FDXR: variants seen among roughly 807,000 people sequenced by gnomAD.
The protein encoded by FDXR is ferredoxin reductase.
FDXR carries 38 observed loss-of-function variants against 58.3 expected under a neutral mutation model. That is an observed-to-expected ratio of 0.65 (90% confidence interval 0.50 to 0.85). FDXR has a LOEUF of 0.85. Among genes scored for constraint, FDXR ranks in the 40% least tolerant of loss-of-function variants. The pLI, the probability that FDXR is intolerant of heterozygous loss-of-function variation, is 0.00. For missense variants in FDXR, 624 were observed against 671.0 expected (o/e 0.93, Z 0.77); for synonymous variants, 275 against 273.8 (o/e 1.00, Z -0.04).
intron 2 of FDXR, chr17:74,868,548 T>C: frequency 6.5e-7 from 1 of 1,532,400 alleles, no homozygotes; most frequent in South Asian, 1.2e-5. Flanking sequence ...AACCAACCTC[T>C]CTGTCCTTAT....
chr17:74,864,619 C>A (rs1383148610), intron 7 of FDXR, 55 bp from the exon 8 acceptor site: 1 of 1,528,670 alleles, frequency 6.5e-7, no homozygotes, highest in Non-Finnish European at 9.0e-7. Flanking sequence ...ACACAGTCCA[C>A]CTGAGCCCAC....
At chr17:74,871,861 G>C (rs2038384657) in intron 2 of FDXR, among the ~76,000 whole-genome samples, 175 bp downstream of exon 2, 1 of 152,324 alleles carries the variant, frequency 6.6e-6, no homozygotes, top group East Asian at 1.9e-4. Flanking sequence ...GAGGACGGGA[G>C]GGGAGGGGAG....
chr17:74,862,633 C>T lies in FDXR; in HGVS notation c.*184G>A. On this transcript the variant is annotated 3_prime_UTR_variant, in exon 12 of 12. Coordinates refer to ENST00000293195, the MANE Select transcript of FDXR (RefSeq NM_024417.5). ...CTAAGGTTACCTCAGTTGCTGAAAG[C>T]TAAAACCTTGCGCGCAAGGGCGACC... The T allele has an allele frequency of 2.5e-6, 2 of 788,240 alleles. No individual in the cohort carries two copies. The highest frequency in any genetic ancestry group is 3.9e-6 in the Non-Finnish European group (2 of 515,026). The allele number at this position is 788,240 out of a possible 1,614,324, so 48.8% of individuals were successfully genotyped here. A position where few individuals can be genotyped will look rare whatever the true frequency, so the allele number is the denominator to read the frequency against.
chr17:74,866,315 G>A (rs772598174), intron 4 of FDXR, 71 bp from the exon 5 acceptor site: 30 of 1,567,076 alleles, frequency 1.9e-5, no homozygotes, highest in Admixed American at 8.7e-5. Flanking sequence ...CAGCCCCCCA[G>A]GCTCCCAGCG....
chr17:74,865,533 G>A (rs2038145083), intron 6 of FDXR, among the ~76,000 whole-genome samples, 186 bp downstream of exon 6: 1 of 152,172 alleles, frequency 6.6e-6, no homozygotes. Flanking sequence ...TGCAGAAAGT[G>A]AAGGGAAAAT....
intron 10 of FDXR, 114 bp from the exon 11 acceptor site, chr17:74,863,360 G>T: frequency 9.7e-7 from 1 of 1,031,298 alleles, no homozygotes. Context: ...ACGCCTCTTG[G>T]CAGACTGTCG....
At position 74,872,909 on chromosome 17, in the gene FDXR, C is replaced by T; in HGVS notation, c.36G>A (p.Ser12=). The T allele has an allele frequency of 6.4e-7, 1 of 1,554,804 alleles. No individual in the cohort carries two copies. Among genetic ancestry groups the T allele is most frequent in the South Asian group, 1.2e-5 (1 of 84,470 alleles). Residue 12 remains serine, a synonymous_variant, in exon 1 of 12, where the codon TCG becomes TCA. Coordinates refer to ENST00000293195, the MANE Select transcript of FDXR (RefSeq NM_024417.5). ...GAGGCAGCCGGGTCCGAGGCCACGC[C>T]GACCAGCCCCACCAGCGCCAGCAGC... The part of the protein sequence containing the change: ...ASRCWRWWGW[S]AWPRTRLPPA...
intron 10 of FDXR, 146 bp from the exon 11 acceptor site, chr17:74,863,392 G>A: frequency 2.6e-6 from 2 of 763,264 alleles, no homozygotes; most frequent in Non-Finnish European, 4.2e-6. Context: ...TGTGGCCGCT[G>A]GTCCACTGCC....
Position 74,865,691 on chromosome 17 carries a change from A to G in FDXR, c.609+28T>C, listed in dbSNP as rs754174150. ...TCTCCTCAGGGTGACCCCACCTCCA[A>G]CCCCGCCAGCCCTGACCTACCACTC... On this transcript the variant is annotated intron_variant, in intron 6 of 11. Coordinates refer to ENST00000293195, the MANE Select transcript of FDXR (RefSeq NM_024417.5). 3.2e-6 allele frequency: 5 copies of G among 1,539,056 alleles called. No homozygotes were observed. The African/African-American group carries it at 6.8e-5, about 21-fold the overall frequency.
At chr17:74,868,668 G>A (rs2038275067) in intron 2 of FDXR, 6 of 1,534,772 alleles carry the variant, frequency 3.9e-6, no homozygotes, top group Non-Finnish European at 5.2e-6. Flanking sequence ...ATCTCTCGTG[G>A]CTGACCTCAT....
At chr17:74,871,976 G>T in intron 2 of FDXR, 60 bp downstream of exon 2, 1 of 1,351,388 alleles carries the variant, frequency 7.4e-7, no homozygotes, top group East Asian at 2.4e-5. Flanking sequence ...CAAAGCGGGT[G>T]AGGCTTGCCC....
chr17:74,862,702 C>T lies in FDXR; in HGVS notation c.*115G>A. On this transcript the variant is annotated 3_prime_UTR_variant, in exon 12 of 12. Coordinates refer to ENST00000293195, the MANE Select transcript of FDXR (RefSeq NM_024417.5). The stretch of plus-strand genomic sequence containing the variant: ...AGACGCTGGAAGAGCAGCCAAGCCT[C>T]CAAGCCAGGGCCGGCCGGGATCAGC... 1 of 1,400,532 alleles carries T rather than the reference C, an allele frequency of 7.1e-7. No individual in the cohort carries two copies. Among genetic ancestry groups the T allele is most frequent in the South Asian group, 1.4e-5 (1 of 69,900 alleles). 86.8% of individuals were successfully genotyped at this position (1,400,532 alleles called of 1,614,324 possible).
intron 2 of FDXR, among the ~76,000 whole-genome samples, chr17:74,869,744 G>C: frequency 6.6e-6 from 1 of 152,110 alleles, no homozygotes; most frequent in African/African-American, 2.4e-5. Flanking sequence ...CGAATGTCAG[G>C]TCCTCGAGCA....
Position 74,864,365 on chromosome 17 carries a change from T to C in FDXR, c.803-18A>G. The C allele has an allele frequency of 6.3e-7, 1 of 1,581,284 alleles. No homozygotes were observed. The highest frequency in any genetic ancestry group is 8.6e-7 in the Non-Finnish European group (1 of 1,161,884). On this transcript the variant is annotated intron_variant, in intron 8 of 11. Coordinates refer to ENST00000293195, the MANE Select transcript of FDXR (RefSeq NM_024417.5). ...GGGGACCTCTGTCAGCAACGTAGAA[T>C]GTCTCCAGGCTGTCCCTGGGCCCCG...
chr17:74,870,126 G>A (rs1421961501), intron 2 of FDXR: 1 of 366,136 alleles, frequency 2.7e-6, no homozygotes, highest in Admixed American at 2.6e-5. Context: ...TCAGCCCAAG[G>A]ATCAGAACAA....
chr17:74,870,301 G>C (rs529242583), intron 2 of FDXR, among the ~76,000 whole-genome samples: 4 of 152,280 alleles, frequency 2.6e-5, no homozygotes, highest in African/African-American at 9.6e-5. Context: ...CAGATCACTT[G>C]AGGTCAGGAG....
In FDXR at chr17:74,863,068, G is replaced by A. The variant is rs745883511; in HGVS notation, c.1345+8C>T. ...CACCTCCCAGGACCTCAGCATCGGG[G>A]CCCAGACCTCGGCTGCTGAGCAGGG... On this transcript the variant is annotated splice_region_variant and intron_variant, in intron 11 of 11. Transcript: ENST00000293195. The A allele has an allele frequency of 5.6e-6, 9 of 1,609,648 alleles. No individual in the cohort carries two copies. The highest frequency in any genetic ancestry group is 1.7e-5 in the Admixed American group (1 of 59,918).
chr17:74,862,726 G>A lies in FDXR; in HGVS notation c.*91C>T, dbSNP rs2038007565. On this transcript the variant is annotated 3_prime_UTR_variant, in exon 12 of 12. Transcript: ENST00000293195. ...TCCAAGCCAGGGCCGGCCGGGATCAGCAGAGGTGCAAAGTCCCACTCAGAC... is the reference window on the plus strand; with the variant it reads ...TCCAAGCCAGGGCCGGCCGGGATCAACAGAGGTGCAAAGTCCCACTCAGAC... The A allele has an allele frequency of 6.8e-7, 1 of 1,474,328 alleles. No individual in the cohort carries two copies. The highest frequency in any genetic ancestry group is 9.0e-7 in the Non-Finnish European group (1 of 1,106,124). The allele number at this position is 1,474,328 out of a possible 1,614,324, so 91.3% of individuals were successfully genotyped here. A position where few individuals can be genotyped will look rare whatever the true frequency, so the allele number is the denominator to read the frequency against.
At position 74,865,732 on chromosome 17, in the gene FDXR, G is replaced by C; in HGVS notation, c.596C>G (p.Pro199Arg). Reference protein sequence around the residue: ...LDVARILLTPPEHLERTDITK... With the variant: ...LDVARILLTPREHLERTDITK... ...CCTACCACTCACCTCCAGGTGCTCA[G>C]GTGGGGTCAGTAGGATGCGGGCCAC... is the stretch of plus-strand genomic sequence containing the variant. The change falls in exon 6 of 12, where the codon CCT (proline) becomes CGT (arginine). Residue 199 changes from proline to arginine, a missense_variant. By Grantham distance (103) the Pro-to-Arg change is moderately radical. Transcript: ENST00000293195. The C allele has an allele frequency of 6.2e-7, 1 of 1,611,442 alleles. No homozygotes were observed. The highest frequency in any genetic ancestry group is 8.5e-7 in the Non-Finnish European group (1 of 1,179,414).
Sources: gnomAD v4.1 joint callset for allele counts (sites outside exome capture counted in the v4.1 genomes callset) on GRCh38, gnomAD v4.1.1 for gene constraint, MANE v1.5 for transcripts, NCBI Gene and HGNC (gene_info 2026-07-23, HGNC 2026-07-21) for gene names.